Variants in GASK1A observed in about 807,000 individuals in gnomAD.
GASK1A encodes Golgi-associated kinase 1A.
In GASK1A, 40 loss-of-function variants were observed where a neutral mutation model predicts 41.2. The ratio of observed to expected loss-of-function variants is 0.97; its 90% CI spans 0.75 to 1.27. The LOEUF is 1.27. Ranked by LOEUF, GASK1A falls within the 50% of genes most tolerant of loss-of-function variation. The pLI is 0.00. For synonymous variants in GASK1A, 316 were observed against 307.1 expected (o/e 1.03, Z -0.30); for missense variants, 678 against 745.1 (o/e 0.91, Z 1.05).
chr3:42,997,430 CAGAGA>C (rs1253083123), intron 1 of GASK1A, among the ~76,000 whole-genome samples: 89 of 137,004 alleles, frequency 6.5e-4, no homozygotes, highest in African/African-American at 2.0e-3. Flanking sequence ...GAGAGAGAGA[CAGAGA>C]GAGGGGGGGG....
chr3:43,054,781 G>A (rs1196553636), intron 3 of GASK1A, among the ~76,000 whole-genome samples: 2 of 152,220 alleles, frequency 1.3e-5, no homozygotes, highest in African/African-American at 4.8e-5. Context: ...TTTTGAAAAG[G>A]TTTAGGAGCT....
chr3:42,987,521 C>G (rs1352431006), intron 1 of GASK1A, among the ~76,000 whole-genome samples: 1 of 152,110 alleles, frequency 6.6e-6, no homozygotes, highest in Non-Finnish European at 1.5e-5. Context: ...GAAGAGAAAC[C>G]TCATCATATC....
intron 1 of GASK1A, among the ~76,000 whole-genome samples, chr3:43,015,758 G>A (rs1450826390): frequency 6.6e-6 from 1 of 151,154 alleles, no homozygotes; most frequent in African/African-American, 2.4e-5. Flanking sequence ...ACAGAAAGGG[G>A]CAGTGTTAAG....
chr3:42,992,282 T>A (rs2089345236), intron 1 of GASK1A, among the ~76,000 whole-genome samples: 1 of 148,152 alleles, frequency 6.7e-6, no homozygotes, highest in African/African-American at 2.4e-5. Context: ...TGAGTTGTAA[T>A]CAGAACTGAA....
intron 3 of GASK1A, 94 bp from the exon 4 acceptor site, chr3:43,055,338 G>T: frequency 1.2e-6 from 1 of 823,924 alleles, no homozygotes; most frequent in Non-Finnish European, 2.0e-6. Flanking sequence ...TGACAGCTCA[G>T]GGCTGTCAGC....
intron 1 of GASK1A, among the ~76,000 whole-genome samples, chr3:43,003,005 T>C (rs1174866630): frequency 6.6e-6 from 1 of 152,216 alleles, no homozygotes; most frequent in Non-Finnish European, 1.5e-5. Flanking sequence ...TTAATTTTCT[T>C]ATTCAAATGT....
intron 2 of GASK1A, among the ~76,000 whole-genome samples, chr3:43,043,871 G>T (rs771303069): frequency 2.0e-5 from 3 of 152,200 alleles, no homozygotes; most frequent in Non-Finnish European, 2.9e-5. Flanking sequence ...GCTTGGTCTT[G>T]TTTGGCTGCT....
chr3:42,998,663 G>A (rs1452557089), intron 1 of GASK1A, among the ~76,000 whole-genome samples: 1 of 152,168 alleles, frequency 6.6e-6, no homozygotes, highest in Non-Finnish European at 1.5e-5. Context: ...CTCTGTCTCT[G>A]CCTCCTGCTA....
chr3:43,041,606 G>A (rs2089638656), intron 2 of GASK1A, among the ~76,000 whole-genome samples: 1 of 152,184 alleles, frequency 6.6e-6, no homozygotes, highest in African/African-American at 2.4e-5. Context: ...TATTTCTTCT[G>A]CATATTAACT....
chr3:43,016,436 A>G (rs558316137), intron 1 of GASK1A, among the ~76,000 whole-genome samples: 3 of 149,896 alleles, frequency 2.0e-5, no homozygotes, highest in African/African-American at 7.4e-5. Context: ...GCAGTGTGAC[A>G]TGACAGGAAG....
intron 1 of GASK1A, among the ~76,000 whole-genome samples, chr3:43,018,326 C>T (rs1164280672): frequency 1.3e-5 from 2 of 152,132 alleles, no homozygotes; most frequent in African/African-American, 2.4e-5. Flanking sequence ...GAGTTCCTGG[C>T]GCATGGCATG....
At chr3:43,024,789 C>G (rs2089538299) in intron 1 of GASK1A, among the ~76,000 whole-genome samples, 1 of 152,172 alleles carries the variant, frequency 6.6e-6, no homozygotes, top group Non-Finnish European at 1.5e-5. Flanking sequence ...CCATGTCCTG[C>G]CTGCATGGAT....
intron 2 of GASK1A, among the ~76,000 whole-genome samples, chr3:43,033,907 G>A (rs776025067): frequency 6.6e-6 from 1 of 152,184 alleles, no homozygotes; most frequent in Non-Finnish European, 1.5e-5. Flanking sequence ...ACTATAATCT[G>A]TGCTTTTGCA....
intron 1 of GASK1A, among the ~76,000 whole-genome samples, chr3:42,985,469 G>A (rs62249011): frequency 0.16 from 23,753 of 151,942 alleles, 2,027 homozygotes; most frequent in Non-Finnish European, 0.19. Flanking sequence ...ACATTGTGTA[G>A]GGCAGAAAAT....
chr3:42,989,967 G>A (rs543376264), intron 1 of GASK1A, among the ~76,000 whole-genome samples: 1 of 152,210 alleles, frequency 6.6e-6, no homozygotes, highest in South Asian at 2.1e-4. Flanking sequence ...GAGTCTCTGT[G>A]TGGTGCTCCC....
intron 2 of GASK1A, among the ~76,000 whole-genome samples, chr3:43,046,124 T>G (rs2089661246): frequency 2.0e-5 from 3 of 152,316 alleles, no homozygotes; most frequent in Admixed American, 6.5e-5. Flanking sequence ...ACTTTGGAAC[T>G]GGGAAACAGG....
intron 1 of GASK1A, among the ~76,000 whole-genome samples, chr3:42,983,769 C>G (rs2089293413): frequency 6.6e-6 from 1 of 152,188 alleles, no homozygotes; most frequent in Non-Finnish European, 1.5e-5. Context: ...ACTTGCAGCT[C>G]CTGCTGCATA....
chr3:43,009,662 A>C (rs1004632250), intron 1 of GASK1A, among the ~76,000 whole-genome samples: 3 of 152,348 alleles, frequency 2.0e-5, no homozygotes, highest in South Asian at 2.1e-4. Flanking sequence ...CATTGTGAGA[A>C]TATCTGGAGG....
chr3:42,991,298 G>A (rs1246073313), intron 1 of GASK1A, among the ~76,000 whole-genome samples: 5 of 152,190 alleles, frequency 3.3e-5, no homozygotes, highest in East Asian at 3.9e-4. Context: ...GAGGCACTGC[G>A]CCTGGCCAAT....
Sources: gnomAD v4.1 joint callset for allele counts (sites outside exome capture counted in the v4.1 genomes callset) on GRCh38, gnomAD v4.1.1 for gene constraint, MANE v1.5 for transcripts, NCBI Gene and HGNC (gene_info 2026-07-23, HGNC 2026-07-21) for gene names.